CDKAL1: variants seen among roughly 807,000 people sequenced by gnomAD.
The protein encoded by CDKAL1 is CDKAL1 threonylcarbamoyladenosine tRNA methylthiotransferase.
Under a neutral mutation model 68.2 loss-of-function variants are expected in CDKAL1, and 32 were observed. The ratio of observed to expected loss-of-function variants is 0.47; its 90% CI spans 0.35 to 0.63. The LOEUF is 0.63. Ranked by LOEUF, CDKAL1 falls within the 30% of genes least tolerant of loss-of-function variation. The pLI, the probability that CDKAL1 is intolerant of heterozygous loss-of-function variation, is 0.00. For synonymous variants in CDKAL1, 234 were observed against 244.3 expected (o/e 0.96, Z 0.39); for missense variants, 606 against 696.7 (o/e 0.87, Z 1.47).
intron 11 of CDKAL1, among the ~76,000 whole-genome samples, chr6:21,045,644 AT>A (rs1321127257): frequency 6.6e-6 from 1 of 152,174 alleles, no homozygotes; most frequent in Non-Finnish European, 1.5e-5. Flanking sequence ...AAAACAGTAA[AT>A]GCATAAGTAA....
At chr6:20,969,461 G>C (rs1581933832) in intron 10 of CDKAL1, among the ~76,000 whole-genome samples, 1 of 152,234 alleles carries the variant, frequency 6.6e-6, no homozygotes, top group East Asian at 1.9e-4. Flanking sequence ...TGATTTTGCA[G>C]TCTCAGGGGT....
chr6:20,902,217 T>G (rs1391534826), intron 9 of CDKAL1, among the ~76,000 whole-genome samples: 1 of 152,020 alleles, frequency 6.6e-6, no homozygotes, highest in African/African-American at 2.4e-5. Context: ...TTCCAAAGGA[T>G]CAGTAGCTGC....
intron 15 of CDKAL1, among the ~76,000 whole-genome samples, chr6:21,210,831 GC>G (rs923144460): frequency 2.0e-4 from 30 of 152,120 alleles, no homozygotes; most frequent in African/African-American, 7.0e-4. Context: ...TGTTAGAAGG[GC>G]CAGGGACCAG....
chr6:21,119,716 A>G (rs1774605738), intron 13 of CDKAL1, among the ~76,000 whole-genome samples: 1 of 152,048 alleles, frequency 6.6e-6, no homozygotes, highest in Admixed American at 6.6e-5. Flanking sequence ...ATTTCCCCAC[A>G]CAATTTCTTA....
rs139362264 is a variant in CDKAL1 at position 20,690,829 on chromosome 6, G to A, written c.371+41452G>A. On this transcript the variant is annotated intron_variant, in intron 5 of 15. Transcript: ENST00000274695. ...AATATAACTTTCAGATCTTGAGAGC[G>A]GATTTTACAGATGTCATGTGAGTTC... 3.5e-3 allele frequency among the ~76,000 whole-genome samples: 525 copies of A among 152,092 alleles called. 2 individuals carry two copies. The highest frequency in any genetic ancestry group is 0.012 in the African/African-American group (490 of 41,502).
intron 8 of CDKAL1, among the ~76,000 whole-genome samples, chr6:20,824,984 T>C (rs1277635505): frequency 6.6e-6 from 1 of 152,220 alleles, no homozygotes; most frequent in African/African-American, 2.4e-5. Flanking sequence ...TTGTAGTTAA[T>C]TGGTAGTTCA....
intron 9 of CDKAL1, among the ~76,000 whole-genome samples, chr6:20,951,430 A>G (rs559022949): frequency 2.6e-5 from 4 of 152,146 alleles, no homozygotes; most frequent in Admixed American, 1.3e-4. Context: ...TTTATTATCA[A>G]ACTTTTAGGT....
Position 20,990,865 on chromosome 6 carries a change from G to A in CDKAL1, c.910-9362G>A, listed in dbSNP as rs149525614. Among the ~76,000 whole-genome samples the A allele has an allele frequency of 4.5e-4, 69 of 152,334 alleles. 1 individual carries two copies. In the East Asian group the frequency reaches 0.012, roughly 26 times the overall value. On this transcript the variant is annotated intron_variant, in intron 10 of 15. Coordinates refer to ENST00000274695, the MANE Select transcript of CDKAL1 (RefSeq NM_017774.3). ...GCATTGGTCTTTCGAACATTGCCTA[G>A]AAGTCTTTGTAGGACTTATGCCAAA...
chr6:21,202,832 C>G (rs1036260776), intron 15 of CDKAL1, among the ~76,000 whole-genome samples: 1 of 152,158 alleles, frequency 6.6e-6, no homozygotes, highest in Non-Finnish European at 1.5e-5. Context: ...TTCTACTCTC[C>G]CATCCTTTCC....
chr6:21,173,231 C>A (rs1366734663), intron 13 of CDKAL1, among the ~76,000 whole-genome samples: 7 of 151,570 alleles, frequency 4.6e-5, no homozygotes, highest in Admixed American at 4.6e-4. Flanking sequence ...TATATTACTT[C>A]TTCATTTCTT....
intron 4 of CDKAL1, among the ~76,000 whole-genome samples, chr6:20,633,022 G>T (rs1246815144): frequency 6.6e-6 from 1 of 152,182 alleles, no homozygotes; most frequent in Non-Finnish European, 1.5e-5. Flanking sequence ...TGTGGCTCCA[G>T]CTTACCTCTA....
chr6:21,000,413 T>G, intron 11 of CDKAL1, 41 bp downstream of exon 11: 1 of 1,560,992 alleles, frequency 6.4e-7, no homozygotes, highest in Non-Finnish European at 8.8e-7. Context: ...ATTTCTTTTT[T>G]CTTTCAAAAG....
At chr6:21,126,504 C>T (rs1247465619) in intron 13 of CDKAL1, among the ~76,000 whole-genome samples, 1 of 152,172 alleles carries the variant, frequency 6.6e-6, no homozygotes, top group Non-Finnish European at 1.5e-5. Flanking sequence ...AACCTTGATG[C>T]TTTTATGCAT....
rs141859146 is a variant in CDKAL1, at chr6:20,730,940, G to T, written c.372-8579G>T. Among the ~76,000 whole-genome samples the T allele has an allele frequency of 2.0e-5, 3 of 152,056 alleles. No homozygotes were observed. In the East Asian group the frequency reaches 5.8e-4, roughly 29 times the overall value. On this transcript the variant is annotated intron_variant, in intron 5 of 15. Coordinates refer to ENST00000274695, the MANE Select transcript of CDKAL1 (RefSeq NM_017774.3). ...AAGAGTTTTAAGCAGATGAGAGGGC[G>T]ATGTGAGCAAAGTTGAGGCAGATGA...
intron 8 of CDKAL1, among the ~76,000 whole-genome samples, chr6:20,845,452 T>C (rs1490996333): frequency 1.3e-5 from 2 of 152,112 alleles, no homozygotes; most frequent in African/African-American, 2.4e-5. Flanking sequence ...TTTTTAATTT[T>C]TTAAAGCTAG....
chr6:20,942,979 T>G (rs1305239369), intron 9 of CDKAL1, among the ~76,000 whole-genome samples: 4 of 146,544 alleles, frequency 2.7e-5, no homozygotes, highest in Admixed American at 6.9e-5. Context: ...AGATTAAAAA[T>G]TATATTTTAT....
At chr6:21,022,673 G>C (rs1169616441) in intron 11 of CDKAL1, among the ~76,000 whole-genome samples, 1 of 152,160 alleles carries the variant, frequency 6.6e-6, no homozygotes. Flanking sequence ...AGACTCCACG[G>C]CCTGGCTGGG....
chr6:20,900,526 G>A (rs931365516), intron 9 of CDKAL1, among the ~76,000 whole-genome samples: 5 of 152,158 alleles, frequency 3.3e-5, no homozygotes, highest in Non-Finnish European at 5.9e-5. Context: ...ATCATATATG[G>A]GCTACTTGAG....
chr6:21,171,426 C>A (rs1467657990), intron 13 of CDKAL1, among the ~76,000 whole-genome samples: 1 of 152,034 alleles, frequency 6.6e-6, no homozygotes, highest in Admixed American at 6.5e-5. Context: ...GTTAGCCAGG[C>A]TGGTCTCGAT....
Sources: gnomAD v4.1 joint callset for allele counts (sites outside exome capture counted in the v4.1 genomes callset) on GRCh38, gnomAD v4.1.1 for gene constraint, MANE v1.5 for transcripts, NCBI Gene and HGNC (gene_info 2026-07-23, HGNC 2026-07-21) for gene names.